The following EFR3B variants were observed in gnomAD, a reference collection of about 807,000 sequenced individuals.
The protein encoded by EFR3B is protein EFR3 homolog B.
Under a neutral mutation model 104.7 loss-of-function variants are expected in EFR3B, and 64 were observed. That is an observed-to-expected ratio of 0.61 (90% CI 0.50 to 0.75). The LOEUF (loss-of-function observed/expected upper bound fraction) is 0.75, where lower values mean the gene tolerates loss of function less well. Ranked by LOEUF, EFR3B falls within the 30% of genes least tolerant of loss-of-function variation. The pLI, the probability that EFR3B is intolerant of heterozygous loss-of-function variation, is 0.00. For missense variants in EFR3B, 750 were observed against 1,078.5 expected, an observed-to-expected ratio of 0.70 and a Z score of 4.27; for synonymous variants, 385 against 417.9, an observed-to-expected ratio of 0.92 and a Z score of 0.96.
rs116486881 is a variant in EFR3B, at chr2:25,089,578, C to T, written c.8-1747C>T. On this transcript the variant is annotated intron_variant, in intron 1 of 22. Coordinates refer to ENST00000403714, the MANE Select transcript of EFR3B (RefSeq NM_014971.2). ...TTGGAAAGACACATCCTGGCAGCTGCGCCAGGCAGAAGACTGGGCAGCTGC... is the reference window on the plus strand; with the variant it reads ...TTGGAAAGACACATCCTGGCAGCTGTGCCAGGCAGAAGACTGGGCAGCTGC... Among the ~76,000 whole-genome samples the T allele has an allele frequency of 7.7e-3, 1,175 of 152,222 alleles. 19 individuals are homozygous for T. Among genetic ancestry groups the T allele is most frequent in the Non-Finnish European group, 0.013 (870 of 68,014 alleles).
At chr2:25,043,825 C>T (rs924591423) in intron 1 of EFR3B, among the ~76,000 whole-genome samples, 1 of 152,224 alleles carries the variant, frequency 6.6e-6, no homozygotes. Context: ...AGCTGCAGAT[C>T]ATTTGACAAA....
chr2:25,145,525 G>A (rs1200098686), intron 19 of EFR3B: 1 of 175,178 alleles, frequency 5.7e-6, no homozygotes, highest in Non-Finnish European at 1.2e-5. Flanking sequence ...TGTAAGCCAT[G>A]ATGGCAGCAC....
intron 1 of EFR3B, among the ~76,000 whole-genome samples, chr2:25,073,958 G>A (rs959018792): frequency 6.6e-6 from 1 of 152,064 alleles, no homozygotes; most frequent in Non-Finnish European, 1.5e-5. Flanking sequence ...TACCCAAGCC[G>A]CTTATATTTT....
At chr2:25,050,760 A>G (rs971350306) in intron 1 of EFR3B, among the ~76,000 whole-genome samples, 1 of 152,330 alleles carries the variant, frequency 6.6e-6, no homozygotes, top group South Asian at 2.1e-4. Context: ...GTAGGCCACA[A>G]TTAAGAGGGG....
intron 3 of EFR3B, among the ~76,000 whole-genome samples, chr2:25,097,644 G>A (rs1454791456): frequency 6.6e-6 from 1 of 152,198 alleles, no homozygotes; most frequent in African/African-American, 2.4e-5. Context: ...GAGAGAGGAT[G>A]AGATGTGAAT....
At chr2:25,113,497 T>C (rs1467825944) in intron 4 of EFR3B, among the ~76,000 whole-genome samples, 1 of 151,802 alleles carries the variant, frequency 6.6e-6, no homozygotes, top group Non-Finnish European at 1.5e-5. Flanking sequence ...TGAAACCCCA[T>C]CTCTACTAAA....
intron 1 of EFR3B, among the ~76,000 whole-genome samples, chr2:25,072,579 G>A (rs1171413330): frequency 6.6e-6 from 1 of 152,218 alleles, no homozygotes; most frequent in African/African-American, 2.4e-5. Context: ...ACTGCACCCA[G>A]CATCCTTATT....
chr2:25,086,853 A>T (rs563602759), intron 1 of EFR3B, among the ~76,000 whole-genome samples: 1 of 152,168 alleles, frequency 6.6e-6, no homozygotes, highest in Non-Finnish European at 1.5e-5. Flanking sequence ...TCAGCCTCCC[A>T]AAGTGCTGAG....
chr2:25,149,682 C>G lies in EFR3B; in HGVS notation c.2143-12C>G. ...CCTGCCTTTCTGAGCATCTCTGTCC[C>G]TTCTCCTTCAGCGAGTGCCTGCCGA... is the stretch of plus-strand genomic sequence containing the variant. On this transcript the variant is annotated splice_polypyrimidine_tract_variant and intron_variant, in intron 19 of 22. Coordinates refer to ENST00000403714, the MANE Select transcript of EFR3B (RefSeq NM_014971.2). The G allele has an allele frequency of 6.4e-7, 1 of 1,551,364 alleles. No homozygotes were observed. Among genetic ancestry groups the G allele is most frequent in the Non-Finnish European group, 8.7e-7 (1 of 1,146,752 alleles).
At chr2:25,068,096 C>T (rs1183457487) in intron 1 of EFR3B, among the ~76,000 whole-genome samples, 1 of 152,194 alleles carries the variant, frequency 6.6e-6, no homozygotes, top group East Asian at 1.9e-4. Flanking sequence ...CATGGGCTTT[C>T]TGAGCCAAGG....
At chr2:25,078,921 A>C (rs1445445270) in intron 1 of EFR3B, among the ~76,000 whole-genome samples, 1 of 152,028 alleles carries the variant, frequency 6.6e-6, no homozygotes, top group African/African-American at 2.4e-5. Flanking sequence ...TGTCACCAAA[A>C]CATCCTTTCA....
At chr2:25,148,838 C>T (rs1209520706) in intron 19 of EFR3B, among the ~76,000 whole-genome samples, 2 of 138,572 alleles carry the variant, frequency 1.4e-5, no homozygotes, top group African/African-American at 5.4e-5. Context: ...AGGAGAATGG[C>T]GTGAACCCGG....
intron 1 of EFR3B, among the ~76,000 whole-genome samples, chr2:25,043,497 A>G (rs1487808603): frequency 6.6e-6 from 1 of 152,190 alleles, no homozygotes; most frequent in Non-Finnish European, 1.5e-5. Flanking sequence ...TGAGAGAGAG[A>G]GAGAGACTGA....
Position 25,128,270 on chromosome 2 carries a change from G to A in EFR3B, c.573G>A (p.Gln191=). Residue 191 remains glutamine, a synonymous_variant, in exon 6 of 23, where the codon CAG becomes CAA. Transcript: ENST00000403714. The part of the protein sequence containing the change: ...DELQANIWDP[Q]HMDKIVPSLL... ...TGCAGGCCAATATCTGGGACCCACA[G>A]CACATGGATAAGATCGTTCCATCAC... 3 of 1,551,858 alleles carry A rather than the reference G, an allele frequency of 1.9e-6. No individual in the cohort carries two copies. Among genetic ancestry groups the A allele is most frequent in the Non-Finnish European group, 2.6e-6 (3 of 1,147,034 alleles).
rs1281027680 is a variant in EFR3B at position 25,059,211 on chromosome 2, CA to C, written c.7+16894del. On this transcript the variant is annotated intron_variant, in intron 1 of 22. Coordinates refer to ENST00000403714, the MANE Select transcript of EFR3B (RefSeq NM_014971.2). ...CACTGCAGCCTCCGCCTCCTGGGAC[CA>C]AGCCATTCTCTTGCCTCAGCCTCCC... is the stretch of plus-strand genomic sequence containing the variant. 2.0e-5 allele frequency among the ~76,000 whole-genome samples: 3 copies of C among 151,474 alleles called. No individual in the cohort carries two copies. In the East Asian group the frequency reaches 5.9e-4, roughly 30 times the overall value.
At chr2:25,090,794 G>A (rs887040802) in intron 1 of EFR3B, among the ~76,000 whole-genome samples, 7 of 152,206 alleles carry the variant, frequency 4.6e-5, no homozygotes, top group African/African-American at 1.7e-4. Flanking sequence ...GGAGACTGAA[G>A]AGCAGGGAAT....
intron 4 of EFR3B, among the ~76,000 whole-genome samples, chr2:25,105,591 C>T (rs1273851492): frequency 6.6e-6 from 1 of 152,240 alleles, no homozygotes; most frequent in Admixed American, 6.5e-5. Context: ...TTTCCTCTCC[C>T]TGGGAGCCAG....
rs561231731 is a variant in EFR3B, at chr2:25,049,362, A to G, written c.7+7043A>G. On this transcript the variant is annotated intron_variant, in intron 1 of 22. Transcript: ENST00000403714. ...TGCTCTGTGTTTGGAAGGGATATAG[A>G]CTAGGGATATAAGCTATCAAGTATT... Among the ~76,000 whole-genome samples, 4 of 152,316 alleles carry G rather than the reference A, an allele frequency of 2.6e-5. No homozygotes were observed. The East Asian group carries it at 7.7e-4, about 29-fold the overall frequency.
At chr2:25,080,311 T>TTTTTTTTTTTTTTTTTTTTTTTTG (rs1668763108) in intron 1 of EFR3B, 1 of 731,296 alleles carries the variant, frequency 1.4e-6, no homozygotes, top group African/African-American at 2.1e-5. Context: ...TTTTTTTTTT[T>TTTTTTTTTTTTTTTTTTTTTTTTG]GAGATGGAGT....
Sources: allele counts gnomAD v4.1 joint callset (sites outside exome capture counted in the v4.1 genomes callset), GRCh38; gene constraint gnomAD v4.1.1; transcripts MANE v1.5; gene names NCBI Gene and HGNC (gene_info 2026-07-23, HGNC 2026-07-21).